Variants in SERINC5 observed in about 807,000 individuals in gnomAD.
SERINC5 encodes serine incorporator 5.
In SERINC5, 41 loss-of-function variants were observed where a neutral mutation model predicts 63.1. The ratio of observed to expected loss-of-function variants is 0.65; its 90% confidence interval spans 0.51 to 0.84. The LOEUF (loss-of-function observed/expected upper bound fraction) is 0.84, where lower values mean the gene tolerates loss of function less well. Ranked by LOEUF, SERINC5 falls within the 40% of genes least tolerant of loss-of-function variation. The pLI is 0.00. For missense variants in SERINC5, 523 were observed against 573.0 expected (o/e 0.91, Z 0.89); for synonymous variants, 222 against 215.2 (o/e 1.03, Z -0.28).
intron 7 of SERINC5, among the ~76,000 whole-genome samples, chr5:80,160,022 G>A (rs1285806172): frequency 2.0e-5 from 3 of 152,202 alleles, no homozygotes; most frequent in Admixed American, 6.5e-5. Flanking sequence ...CCATCCCAAA[G>A]AAGGGGTAAC....
At chr5:80,227,976 C>CT (rs1751244248) in intron 1 of SERINC5, among the ~76,000 whole-genome samples, 1 of 151,228 alleles carries the variant, frequency 6.6e-6, no homozygotes, top group Non-Finnish European at 1.5e-5. Context: ...AATCCCAGCA[C>CT]TTTGAGAGGC....
intron 7 of SERINC5, among the ~76,000 whole-genome samples, chr5:80,160,963 T>C (rs1746849375): frequency 7.4e-6 from 1 of 134,854 alleles, no homozygotes; most frequent in Non-Finnish European, 1.6e-5. Flanking sequence ...TATATGTGTG[T>C]GTATATATAT....
intron 6 of SERINC5, chr5:80,166,976 CT>C (rs1747341792): frequency 1.3e-5 from 2 of 153,912 alleles, no homozygotes; most frequent in African/African-American, 4.8e-5. Flanking sequence ...GATCAAAAAG[CT>C]TTTGGGGACA....
At chr5:80,201,230 G>C (rs1749818608) in intron 2 of SERINC5, among the ~76,000 whole-genome samples, 1 of 152,238 alleles carries the variant, frequency 6.6e-6, no homozygotes. Context: ...AGCTCCATCA[G>C]AGCCTGCTCC....
At chr5:80,229,116 T>G (rs1356630836) in intron 1 of SERINC5, among the ~76,000 whole-genome samples, 2 of 136,586 alleles carry the variant, frequency 1.5e-5, no homozygotes, top group African/African-American at 5.4e-5. Flanking sequence ...CTCCACCTCC[T>G]GAGTTCAAGC....
intron 11 of SERINC5, among the ~76,000 whole-genome samples, chr5:80,126,032 T>A (rs1049422096): frequency 6.6e-6 from 1 of 152,170 alleles, no homozygotes; most frequent in African/African-American, 2.4e-5. Context: ...TCCATCAATG[T>A]GATCTTGTGA....
intron 2 of SERINC5, among the ~76,000 whole-genome samples, chr5:80,196,810 C>T (rs1223562379): frequency 6.6e-6 from 1 of 151,408 alleles, no homozygotes; most frequent in South Asian, 2.1e-4. Flanking sequence ...CCTGGTAGTG[C>T]GCGCCTGTAA....
chr5:80,236,217 G>A (rs992828125), intron 1 of SERINC5, among the ~76,000 whole-genome samples: 2 of 152,132 alleles, frequency 1.3e-5, no homozygotes, highest in African/African-American at 4.8e-5. Flanking sequence ...GCCAGCCACT[G>A]TTCCAAGCGC....
chr5:80,116,270 C>G (rs1744318772), intron 11 of SERINC5: 1 of 455,358 alleles, frequency 2.2e-6, no homozygotes, highest in Non-Finnish European at 4.4e-6. Flanking sequence ...TTTCCATCCC[C>G]TCTTGCAAAA....
chr5:80,234,136 C>T (rs1210698717), intron 1 of SERINC5, among the ~76,000 whole-genome samples: 2 of 152,062 alleles, frequency 1.3e-5, no homozygotes, highest in Non-Finnish European at 2.9e-5. Flanking sequence ...AGAGACTGCA[C>T]ATTTGAAATG....
chr5:80,142,858 G>A lies in SERINC5; in HGVS notation c.*805C>T. 2 of 985,370 alleles carry A rather than the reference G, an allele frequency of 2.0e-6. No homozygotes were observed. Among genetic ancestry groups the A allele is most frequent in the Non-Finnish European group, 2.4e-6 (2 of 829,896 alleles). The allele number at this position is 985,370 out of a possible 1,614,324, so 61.0% of individuals were successfully genotyped here. On this transcript the variant is annotated 3_prime_UTR_variant, in exon 12 of 12. Coordinates refer to ENST00000507668, the MANE Select transcript of SERINC5 (RefSeq NM_001174072.3). The stretch of plus-strand genomic sequence containing the variant: ...TCCATTGCTTAGGCAGAGAAAACAT[G>A]AATCTTGTTCTATAATCATGTGAAT...
chr5:80,152,670 G>A (rs1287800665), intron 8 of SERINC5, among the ~76,000 whole-genome samples: 3 of 152,228 alleles, frequency 2.0e-5, no homozygotes, highest in African/African-American at 7.2e-5. Context: ...GCCAGGTGCA[G>A]TGGTTCACGC....
In SERINC5 at chr5:80,150,873, T is replaced by C. The variant is rs371420363; in HGVS notation, c.1053+9A>G. On this transcript the variant is annotated intron_variant, in intron 9 of 11. Coordinates refer to ENST00000507668, the MANE Select transcript of SERINC5 (RefSeq NM_001174072.3). ...GATGAAGCAGGACAGGAAAAGGAAATGAACTTACCTCCAATTCAGGAGCTG... is the reference window on the plus strand; with the variant it reads ...GATGAAGCAGGACAGGAAAAGGAAACGAACTTACCTCCAATTCAGGAGCTG... 3 of 1,601,240 alleles carry C rather than the reference T, an allele frequency of 1.9e-6. No individual in the cohort carries two copies. Among genetic ancestry groups the C allele is most frequent in the African/African-American group, 2.7e-5 (2 of 74,612 alleles).
At chr5:80,127,486 G>A (rs1260613442) in intron 11 of SERINC5, among the ~76,000 whole-genome samples, 1 of 152,192 alleles carries the variant, frequency 6.6e-6, no homozygotes, top group East Asian at 1.9e-4. Context: ...AAGCCACTGA[G>A]GGTTTTGGAG....
At chr5:80,196,554 T>C (rs945294759) in intron 2 of SERINC5, among the ~76,000 whole-genome samples, 2 of 152,102 alleles carry the variant, frequency 1.3e-5, no homozygotes, top group African/African-American at 4.8e-5. Flanking sequence ...AATGAAAACA[T>C]ATGTCCATAC....
In SERINC5 at chr5:80,112,685, G is replaced by A. The variant is rs138393694; in HGVS notation, c.*29+887C>T. 7.3e-3 allele frequency among the ~76,000 whole-genome samples: 1,114 copies of A among 152,192 alleles called. 17 individuals carry two copies. The highest frequency in any genetic ancestry group is 0.025 in the African/African-American group (1,052 of 41,524). On this transcript the variant is annotated intron_variant, in intron 12 of 12. Coordinates refer to the SERINC5 transcript ENST00000509193. Reference sequence around the variant, plus strand: ...GTTTAGGCCGGGTGCAATAGCCCGCGCCTGTAATCCCAGCACTTTGGGAGG... The same window carrying A: ...GTTTAGGCCGGGTGCAATAGCCCGCACCTGTAATCCCAGCACTTTGGGAGG...
At chr5:80,238,385 G>A (rs1055041647) in intron 1 of SERINC5, among the ~76,000 whole-genome samples, 3 of 152,188 alleles carry the variant, frequency 2.0e-5, no homozygotes, top group Non-Finnish European at 2.9e-5. Context: ...TCCACGCATA[G>A]AGCAGAACTT....
downstream of SERINC5, among the ~76,000 whole-genome samples, chr5:80,135,196 C>A (rs6893450): frequency 1.1e-4 from 16 of 151,952 alleles, no homozygotes; most frequent in Non-Finnish European, 2.1e-4. Flanking sequence ...ACCAAGCCCG[C>A]CTAATTTTTG....
At chr5:80,179,065 C>T (rs995801746) in intron 2 of SERINC5, among the ~76,000 whole-genome samples, 1 of 152,012 alleles carries the variant, frequency 6.6e-6, no homozygotes, top group South Asian at 2.1e-4. Flanking sequence ...TTTGGGAGGC[C>T]GAGGTGGGTG....
Sources: allele counts gnomAD v4.1 joint callset (sites outside exome capture counted in the v4.1 genomes callset), GRCh38; gene constraint gnomAD v4.1.1; transcripts MANE v1.5; gene names NCBI Gene and HGNC (gene_info 2026-07-23, HGNC 2026-07-21).